Variants in SLC35D1 observed in about 807,000 individuals in gnomAD.
The protein encoded by SLC35D1 is solute carrier family 35 member D1, also known as nucleotide sugar transporter SLC35D1.
In SLC35D1, 31 loss-of-function variants were observed where a neutral mutation model predicts 46.7. The ratio of observed to expected loss-of-function variants is 0.66; its 90% CI spans 0.50 to 0.90. The LOEUF is 0.90. Among genes scored for constraint, SLC35D1 ranks in the 40% least tolerant of loss-of-function variants. The pLI is 0.00. For missense variants in SLC35D1, 397 were observed against 426.2 expected (o/e 0.93, Z 0.60); for synonymous variants, 195 against 164.6 (o/e 1.18, Z -1.41).
intron 8 of SLC35D1, among the ~76,000 whole-genome samples, chr1:67,023,458 G>A (rs1570621286): frequency 6.7e-6 from 1 of 150,162 alleles, no homozygotes; most frequent in East Asian, 2.0e-4. Context: ...TTTCTTCTTT[G>A]GTGAAGTGTC....
At chr1:67,005,573 A>G (rs1200393329) in intron 11 of SLC35D1, among the ~76,000 whole-genome samples, 1 of 152,208 alleles carries the variant, frequency 6.6e-6, no homozygotes, top group Non-Finnish European at 1.5e-5. Context: ...ACGGCACTTA[A>G]GAGCAATCAA....
downstream of SLC35D1, among the ~76,000 whole-genome samples, chr1:66,995,766 T>C (rs1360102013): frequency 2.0e-5 from 3 of 152,318 alleles, no homozygotes; most frequent in East Asian, 3.9e-4. Context: ...AAGGAAACCT[T>C]TCCTACCATT....
intron 11 of SLC35D1, among the ~76,000 whole-genome samples, chr1:67,006,557 A>C (rs1667451084): frequency 6.6e-6 from 1 of 152,220 alleles, no homozygotes; most frequent in South Asian, 2.1e-4. Flanking sequence ...TGTTCACATT[A>C]ATCCTATTTA....
chr1:67,008,160 G>A (rs2102235126), intron 11 of SLC35D1, among the ~76,000 whole-genome samples: 1 of 152,170 alleles, frequency 6.6e-6, no homozygotes, highest in East Asian at 1.9e-4. Context: ...ATTTTGTTGG[G>A]ACGGAGTCTC....
chr1:67,026,024 T>C (rs1290780205), intron 8 of SLC35D1, among the ~76,000 whole-genome samples: 1 of 152,210 alleles, frequency 6.6e-6, no homozygotes, highest in Non-Finnish European at 1.5e-5. Context: ...ATTATACAGA[T>C]GGAGTTCTTC....
chr1:66,989,221 C>A, the SLC35D1 span, among the ~76,000 whole-genome samples: 1 of 152,094 alleles, frequency 6.6e-6, no homozygotes, highest in African/African-American at 2.4e-5. Context: ...TGGAGAATCG[C>A]CTGATTTTCT....
At chr1:67,014,543 A>G (rs1398553561) in intron 10 of SLC35D1, among the ~76,000 whole-genome samples, 1 of 152,086 alleles carries the variant, frequency 6.6e-6, no homozygotes, top group Non-Finnish European at 1.5e-5. Flanking sequence ...AAATTAACTT[A>G]TAAGTTAGTA....
intron 10 of SLC35D1, among the ~76,000 whole-genome samples, chr1:67,015,407 T>G (rs1056351707): frequency 6.6e-6 from 1 of 152,132 alleles, no homozygotes. Context: ...TGTTTTTTTT[T>G]GAGTCAGGAT....
chr1:66,996,885 A>ATG (rs1491529845), downstream of SLC35D1, among the ~76,000 whole-genome samples: 1 of 152,248 alleles, frequency 6.6e-6, no homozygotes, highest in Non-Finnish European at 1.5e-5. Context: ...ATTAAAACAC[A>ATG]TGTGTTAAGG....
chr1:67,014,809 C>T (rs1667647817), intron 10 of SLC35D1, among the ~76,000 whole-genome samples: 1 of 148,344 alleles, frequency 6.7e-6, no homozygotes, highest in Admixed American at 6.8e-5. Flanking sequence ...GAGCTTATGT[C>T]TGTAAATTTG....
chr1:66,984,928 A>T, the SLC35D1 span: 5 of 1,544,670 alleles, frequency 3.2e-6, no homozygotes, highest in Non-Finnish European at 4.3e-6. Context: ...CTTTCTTTGG[A>T]GTAAATTCTG....
chr1:67,030,238 A>G (rs1016227754), intron 8 of SLC35D1, among the ~76,000 whole-genome samples: 17 of 152,220 alleles, frequency 1.1e-4, no homozygotes, highest in Admixed American at 1.1e-3. Context: ...CAGTTGTGAC[A>G]GGAGTATTAG....
chr1:66,978,466 TAGC>T, the SLC35D1 span, among the ~76,000 whole-genome samples: 1 of 152,320 alleles, frequency 6.6e-6, no homozygotes, highest in East Asian at 1.9e-4. Context: ...ATTTCATAAA[TAGC>T]AGTATTGCAA....
At chr1:67,029,810 A>G (rs111573754) in intron 8 of SLC35D1, among the ~76,000 whole-genome samples, 10 of 152,202 alleles carry the variant, frequency 6.6e-5, no homozygotes, top group African/African-American at 2.4e-4. Context: ...TTTATCTGAA[A>G]CTGGACCAGA....
chr1:67,048,259 G>T (rs774778829), intron 6 of SLC35D1, among the ~76,000 whole-genome samples: 39 of 152,098 alleles, frequency 2.6e-4, no homozygotes, highest in Non-Finnish European at 4.3e-4. Flanking sequence ...CAAGTCAAAG[G>T]GTCTAACCAG....
intron 6 of SLC35D1, among the ~76,000 whole-genome samples, chr1:67,048,775 G>A (rs1236620805): frequency 1.3e-5 from 2 of 151,966 alleles, no homozygotes. Context: ...TAGGTCTGTG[G>A]GTATACATTT....
the SLC35D1 span, among the ~76,000 whole-genome samples, chr1:66,991,573 T>C: frequency 6.6e-6 from 1 of 152,236 alleles, no homozygotes; most frequent in Non-Finnish European, 1.5e-5. Context: ...AGGTATATCC[T>C]GTAAGTTCGA....
rs968705814 is a variant in SLC35D1 at position 67,000,263 on chromosome 1, G to A, written c.*4077C>T. The A allele has an allele frequency of 2.6e-5, 4 of 151,244 alleles. No individual in the cohort carries two copies. Among genetic ancestry groups the A allele is most frequent in the Non-Finnish European group, 5.9e-5 (4 of 67,846 alleles). 9.4% of individuals were successfully genotyped at this position (151,244 alleles called of 1,614,324 possible). A position where few individuals can be genotyped will look rare whatever the true frequency, so the allele number is the denominator to read the frequency against. On this transcript the variant is annotated 3_prime_UTR_variant, in exon 12 of 12. Coordinates refer to ENST00000235345, the MANE Select transcript of SLC35D1 (RefSeq NM_015139.3). ...TACGCCATTACACTCCAGCCTGGCT[G>A]GCGACAGAGCAAGACCTTCTTTCTT...
the SLC35D1 span, among the ~76,000 whole-genome samples, chr1:66,973,634 C>A: frequency 6.6e-6 from 1 of 151,826 alleles, no homozygotes; most frequent in Non-Finnish European, 1.5e-5. Context: ...ATTCTTATAA[C>A]TGAAATTAGG....
Sources: gnomAD v4.1 joint callset for allele counts (sites outside exome capture counted in the v4.1 genomes callset) on GRCh38, gnomAD v4.1.1 for gene constraint, MANE v1.5 for transcripts, NCBI Gene and HGNC (gene_info 2026-07-23, HGNC 2026-07-21) for gene names.